P2RY1: variants seen among roughly 807,000 people sequenced by gnomAD.
P2RY1 encodes the protein purinergic receptor P2Y1.
Under a neutral mutation model 22.8 loss-of-function variants are expected in P2RY1, and 14 were observed. The ratio of observed to expected loss-of-function variants is 0.61; its 90% CI spans 0.41 to 0.96. The LOEUF (loss-of-function observed/expected upper bound fraction) is 0.96. Ranked by LOEUF, P2RY1 falls within the 40% of genes least tolerant of loss-of-function variation. The pLI, the probability that P2RY1 is intolerant of heterozygous loss-of-function variation, is 0.00. For synonymous variants in P2RY1, 200 were observed against 195.1 expected (o/e 1.03, Z -0.21); for missense variants, 395 against 470.3 (o/e 0.84, Z 1.48).
Position 152,836,518 on chromosome 3 carries a change from T to C in P2RY1, c.736T>C (p.Tyr246His), listed in dbSNP as rs1351985377. Residue 246 changes from tyrosine to histidine, a missense_variant, in exon 1 of 1, where the codon TAC becomes CAC. Tyr to His is a moderately conservative substitution (Grantham distance 83). Coordinates refer to ENST00000305097, the MANE Select transcript of P2RY1 (RefSeq NM_002563.5). This position sits in a 1 kb window ranked among gnomAD's most constrained non-coding sequence, Gnocchi z 5.6. ...CYGLIVRALI[Y>H]KDLDNSPLRR... is the part of the protein sequence containing the mutation. ...CGGATTAATTGTGAGAGCTTTGATT[T>C]ACAAAGATCTGGACAACTCTCCTCT... The C allele has an allele frequency of 1.2e-6, 2 of 1,614,236 alleles. No individual in the cohort carries two copies. The highest frequency in any genetic ancestry group is 2.7e-5 in the African/African-American group (2 of 75,062).
In P2RY1 at chr3:152,836,848, G is replaced by T; in HGVS notation, c.1066G>T (p.Asp356Tyr). 2 of 1,613,572 alleles carry T rather than the reference G, an allele frequency of 1.2e-6. No homozygotes were observed. The highest frequency in any genetic ancestry group is 2.7e-5 in the African/African-American group (2 of 75,040). Residue 356 changes from aspartate to tyrosine, a missense_variant, in exon 1 of 1, where the codon GAC becomes TAC. This residue lies in a region of P2RY1 where 291 missense variants were observed against 361.6 expected (regional missense o/e 0.80). Transcript: ENST00000305097. This position sits in a 1 kb window ranked among gnomAD's most constrained non-coding sequence, Gnocchi z 5.6. Reference sequence around the variant, plus strand: ...GGCAAATTTGCAATCCAAGAGTGAAGACATGACCCTCAATATTTTACCTGA... The same window carrying T: ...GGCAAATTTGCAATCCAAGAGTGAATACATGACCCTCAATATTTTACCTGA... ...SEANLQSKSE[D>Y]MTLNILPEFK...
Position 152,837,418 on chromosome 3 carries a change from G to A in P2RY1, c.*514G>A, listed in dbSNP as rs1716195276. On this transcript the variant is annotated 3_prime_UTR_variant, in exon 1 of 1. Transcript: ENST00000305097. ...GCATCAGATCAATGGATCTCTGAGC[G>A]GGGTGTTTTTTTCAGTGTCTTATAA... The A allele has an allele frequency of 6.0e-6, 1 of 166,826 alleles. No individual in the cohort carries two copies. Among genetic ancestry groups the A allele is most frequent in the African/African-American group, 2.4e-5 (1 of 41,490 alleles). 10.3% of individuals were successfully genotyped at this position (166,826 alleles called of 1,614,324 possible). A position where few individuals can be genotyped will look rare whatever the true frequency, so the allele number is the denominator to read the frequency against.
rs1264834074 is a variant in P2RY1, at chr3:152,839,770, C to T, written c.*2866C>T. On this transcript the variant is annotated 3_prime_UTR_variant, in exon 1 of 1. Coordinates refer to ENST00000305097, the MANE Select transcript of P2RY1 (RefSeq NM_002563.5). ...ATGGTAAAGCATGAAAACTAAACAG[C>T]CAGGAGCCTGTGAAATCTGCTACTG... The T allele has an allele frequency of 6.6e-6, 1 of 152,108 alleles. No homozygotes were observed. Among genetic ancestry groups the T allele is most frequent in the Non-Finnish European group, 1.5e-5 (1 of 68,026 alleles). 9.4% of individuals were successfully genotyped at this position (152,108 alleles called of 1,614,324 possible).
Position 152,836,196 on chromosome 3 carries a change from C to T in P2RY1, c.414C>T (p.Ser138=), listed in dbSNP as rs746345449. The T allele has an allele frequency of 4.3e-6, 7 of 1,614,036 alleles. No homozygotes were observed. In the South Asian group the frequency reaches 5.5e-5, roughly 13 times the overall value. Reference sequence around the variant, plus strand: ...TCTTTCATGTGAACCTCTATGGCAGCATCTTGTTTCTGACATGCATCAGTG... The same window carrying T: ...TCTTTCATGTGAACCTCTATGGCAGTATCTTGTTTCTGACATGCATCAGTG... ...RFIFHVNLYG[S]ILFLTCISAH... is the part of the protein sequence containing the mutation. The change falls in exon 1 of 1, where the codon AGC becomes AGT. Residue 138 remains serine (S), a synonymous_variant. Coordinates refer to ENST00000305097, the MANE Select transcript of P2RY1 (RefSeq NM_002563.5). The surrounding 1 kb of genome is among the most constrained non-coding windows in gnomAD (Gnocchi z 5.6).
rs1716144313 is a variant in P2RY1 at position 152,835,915 on chromosome 3, A to T, written c.133A>T (p.Thr45Ser). 2 of 1,613,908 alleles carry T rather than the reference A, an allele frequency of 1.2e-6. No individual in the cohort carries two copies. ...CTCCTCGTCGTTCAAATGCGCCTTG[A>T]CCAAGACGGGCTTCCAGTTTTACTA... The part of the protein sequence containing the change: ...AVSSSFKCAL[T>S]KTGFQFYYLP... Residue 45 changes from threonine to serine, a missense_variant, in exon 1 of 1, where the codon ACC (threonine) becomes TCC (serine). Coordinates refer to ENST00000305097, the MANE Select transcript of P2RY1 (RefSeq NM_002563.5).
rs1464273812 is a variant in P2RY1, at chr3:152,838,680, A to G, written c.*1776A>G. The G allele has an allele frequency of 2.0e-5, 3 of 152,112 alleles. No individual in the cohort carries two copies. The highest frequency in any genetic ancestry group is 2.9e-5 in the Non-Finnish European group (2 of 68,006). 9.4% of individuals were successfully genotyped at this position (152,112 alleles called of 1,614,324 possible). On this transcript the variant is annotated 3_prime_UTR_variant, in exon 1 of 1. Coordinates refer to ENST00000305097, the MANE Select transcript of P2RY1 (RefSeq NM_002563.5). ...CTTCAGAGTAGCTTCACTTTACCCA[A>G]TCTCTGGCCACTAAGATCAATGAAG...
chr3:152,835,892 C>T lies in P2RY1; in HGVS notation c.110C>T (p.Ser37Phe), dbSNP rs983108639. The T allele has an allele frequency of 3.1e-6, 5 of 1,614,130 alleles. No homozygotes were observed. The Middle Eastern group carries it at 6.7e-4, about 215-fold the overall frequency. ...NSTVASTAAVSSSFKCALTKT... is the reference protein window; with the variant it reads ...NSTVASTAAVFSSFKCALTKT... ...ACGGTCGCCTCCACTGCCGCCGTCTCCTCGTCGTTCAAATGCGCCTTGACC... is the reference window on the plus strand; with the variant it reads ...ACGGTCGCCTCCACTGCCGCCGTCTTCTCGTCGTTCAAATGCGCCTTGACC... Residue 37 changes from serine (S) to phenylalanine (F), a missense_variant, in exon 1 of 1, where the codon TCC becomes TTC. Ser to Phe is a radical substitution (Grantham distance 155). Around this residue, in one of 3 missense-constraint regions of P2RY1, gnomAD observed 98 missense variants for 87.7 expected, o/e 1.12. Transcript: ENST00000305097.
chr3:152,836,315 T>C lies in P2RY1; in HGVS notation c.533T>C (p.Ile178Thr). The change falls in exon 1 of 1, where the codon ATT becomes ACT. Residue 178 changes from isoleucine to threonine, a missense_variant. Coordinates refer to ENST00000305097, the MANE Select transcript of P2RY1 (RefSeq NM_002563.5). The surrounding 1 kb of genome is among the most constrained non-coding windows in gnomAD (Gnocchi z 5.6). ...AICISVLVWLIVVVAISPILF... is the reference protein window; with the variant it reads ...AICISVLVWLTVVVAISPILF... ...TGTATCAGCGTGCTGGTGTGGCTCATTGTGGTGGTGGCGATCTCCCCCATC... is the reference window on the plus strand; with the variant it reads ...TGTATCAGCGTGCTGGTGTGGCTCACTGTGGTGGTGGCGATCTCCCCCATC... 6.2e-7 allele frequency: 1 copy of C among 1,614,066 alleles called. No individual in the cohort carries two copies. Among genetic ancestry groups the C allele is most frequent in the Non-Finnish European group, 8.5e-7 (1 of 1,180,010 alleles).
Position 152,839,257 on chromosome 3 carries a change from A to G in P2RY1, c.*2353A>G, listed in dbSNP as rs1716243207. ...GATGACATGTGAATGCATGCCACAT[A>G]GTAACAAGAATGATCTTGCCAACTC... is the stretch of plus-strand genomic sequence containing the variant. On this transcript the variant is annotated 3_prime_UTR_variant, in exon 1 of 1. Coordinates refer to ENST00000305097, the MANE Select transcript of P2RY1 (RefSeq NM_002563.5). 6.6e-6 allele frequency: 1 copy of G among 152,182 alleles called. No homozygotes were observed. The highest frequency in any genetic ancestry group is 1.5e-5 in the Non-Finnish European group (1 of 68,032). 9.4% of individuals were successfully genotyped at this position (152,182 alleles called of 1,614,324 possible).
In P2RY1 at chr3:152,836,867, T is replaced by C; in HGVS notation, c.1085T>C (p.Leu362Ser). ...SKSEDMTLNI[L>S]PEFKQNGDTS... ...AGTGAAGACATGACCCTCAATATTT[T>C]ACCTGAGTTCAAGCAGAATGGAGAT... Residue 362 changes from leucine (L) to serine (S), a missense_variant, in exon 1 of 1, where the codon TTA becomes TCA. Leu to Ser is a moderately radical substitution (Grantham distance 145, BLOSUM62 -2). Coordinates refer to ENST00000305097, the MANE Select transcript of P2RY1 (RefSeq NM_002563.5). The surrounding 1 kb of genome is among the most constrained non-coding windows in gnomAD (Gnocchi z 5.6). The C allele has an allele frequency of 1.9e-6, 3 of 1,612,544 alleles. No individual in the cohort carries two copies. In the South Asian group the frequency reaches 3.3e-5, roughly 18 times the overall value.
At position 152,837,714 on chromosome 3, in the gene P2RY1, C is replaced by G. The variant is rs1716205782; in HGVS notation, c.*810C>G. Reference sequence around the variant, plus strand: ...TAAAGAGCATTTACTTGCCCCACTGCTGTGCAATGCCTTAGGACTTTGTTT... The same window carrying G: ...TAAAGAGCATTTACTTGCCCCACTGGTGTGCAATGCCTTAGGACTTTGTTT... On this transcript the variant is annotated 3_prime_UTR_variant, in exon 1 of 1. Coordinates refer to ENST00000305097, the MANE Select transcript of P2RY1 (RefSeq NM_002563.5). 6.0e-6 allele frequency: 1 copy of G among 167,082 alleles called. No individual in the cohort carries two copies. Among genetic ancestry groups the G allele is most frequent in the Non-Finnish European group, 1.5e-5 (1 of 68,120 alleles). The allele number at this position is 167,082 out of a possible 1,614,324, so 10.3% of individuals were successfully genotyped here. A position where few individuals can be genotyped will look rare whatever the true frequency, so the allele number is the denominator to read the frequency against.
Position 152,836,943 on chromosome 3 carries a change from G to T in P2RY1, c.*39G>T. 1 of 1,467,152 alleles carries T rather than the reference G, an allele frequency of 6.8e-7. No individual in the cohort carries two copies. The allele number at this position is 1,467,152 out of a possible 1,614,324, so 90.9% of individuals were successfully genotyped here. Reference sequence around the variant, plus strand: ...TCCAAACACCTCTCTGTTGTAATATGGTAGGATGCTTAACAGAATCAAGTA... The same window carrying T: ...TCCAAACACCTCTCTGTTGTAATATTGTAGGATGCTTAACAGAATCAAGTA... On this transcript the variant is annotated 3_prime_UTR_variant, in exon 1 of 1. Transcript: ENST00000305097. The surrounding 1 kb of genome is among the most constrained non-coding windows in gnomAD (Gnocchi z 5.6).
In P2RY1 at chr3:152,836,273, A is replaced by G. The variant is rs753534893; in HGVS notation, c.491A>G (p.Lys164Arg). 141 of 1,614,000 alleles carry G rather than the reference A, an allele frequency of 8.7e-5. No homozygotes were observed. In the Admixed American group the frequency reaches 2.3e-3, roughly 26 times the overall value. The change falls in exon 1 of 1, where the codon AAA (lysine) becomes AGA (arginine). Residue 164 changes from lysine (K) to arginine (R), a missense_variant. This residue lies in a region of P2RY1 where 291 missense variants were observed against 361.6 expected (regional missense o/e 0.80). Transcript: ENST00000305097. This position sits in a 1 kb window ranked among gnomAD's most constrained non-coding sequence, Gnocchi z 5.6. ...CCCCTCAAGTCCCTGGGCCGGCTCAAAAAGAAGAATGCGATCTGTATCAGC... is the reference window on the plus strand; with the variant it reads ...CCCCTCAAGTCCCTGGGCCGGCTCAGAAAGAAGAATGCGATCTGTATCAGC... ...VYPLKSLGRL[K>R]KKNAICISVL...
In P2RY1 at chr3:152,839,219, A is replaced by C. The variant is rs546569299; in HGVS notation, c.*2315A>C. On this transcript the variant is annotated 3_prime_UTR_variant, in exon 1 of 1. Transcript: ENST00000305097. The stretch of plus-strand genomic sequence containing the variant: ...TGTTTCTTCTTTAGCTTCATACATC[A>C]CATATGGACACTGATGACATGTGAA... 1 of 152,300 alleles carries C rather than the reference A, an allele frequency of 6.6e-6. No individual in the cohort carries two copies. Among genetic ancestry groups the C allele is most frequent in the South Asian group, 2.1e-4 (1 of 4,826 alleles). The allele number at this position is 152,300 out of a possible 1,614,324, so 9.4% of individuals were successfully genotyped here.
chr3:152,836,205 T>G lies in P2RY1; in HGVS notation c.423T>G (p.Phe141Leu). 11 of 1,614,172 alleles carry G rather than the reference T, an allele frequency of 6.8e-6. No individual in the cohort carries two copies. The highest frequency in any genetic ancestry group is 9.3e-6 in the Non-Finnish European group (11 of 1,180,022). The change falls in exon 1 of 1, where the codon TTT (phenylalanine) becomes TTG (leucine). Residue 141 changes from phenylalanine (F) to leucine (L), a missense_variant. Phe to Leu is a conservative substitution (Grantham distance 22). Around this residue, in one of 3 missense-constraint regions of P2RY1, gnomAD observed 291 missense variants for 361.6 expected, o/e 0.80. Transcript: ENST00000305097. This position sits in a 1 kb window ranked among gnomAD's most constrained non-coding sequence, Gnocchi z 5.6. ...TGAACCTCTATGGCAGCATCTTGTT[T>G]CTGACATGCATCAGTGCCCACCGGT... ...FHVNLYGSIL[F>L]LTCISAHRYS...
Position 152,836,324 on chromosome 3 carries a change from T to TGGC in P2RY1, c.544_546dup (p.Ala182dup). 6.2e-7 allele frequency: 1 copy of TGGC among 1,614,088 alleles called. No homozygotes were observed. The highest frequency in any genetic ancestry group is 8.5e-7 in the Non-Finnish European group (1 of 1,180,038). ...GTGCTGGTGTGGCTCATTGTGGTGGTGGCGATCTCCCCCATCCTCTTCTAC... is the reference window on the plus strand; with the variant it reads ...GTGCTGGTGTGGCTCATTGTGGTGGTGGCGGCGATCTCCCCCATCCTCTTCTAC... On this transcript the variant is annotated inframe_insertion, in exon 1 of 1. Transcript: ENST00000305097. The surrounding 1 kb of genome is among the most constrained non-coding windows in gnomAD (Gnocchi z 5.6).
chr3:152,839,728 T>C lies in P2RY1; in HGVS notation c.*2824T>C, dbSNP rs963650730. On this transcript the variant is annotated 3_prime_UTR_variant, in exon 1 of 1. Transcript: ENST00000305097. Reference sequence around the variant, plus strand: ...TTTAAAAGTTGGATGACATCCATTGTTGGGGCCTTGGGGGATATGGTAAAG... The same window carrying C: ...TTTAAAAGTTGGATGACATCCATTGCTGGGGCCTTGGGGGATATGGTAAAG... 3.3e-5 allele frequency: 5 copies of C among 152,132 alleles called. No individual in the cohort carries two copies. The highest frequency in any genetic ancestry group is 6.5e-5 in the Admixed American group (1 of 15,276). The allele number at this position is 152,132 out of a possible 1,614,324, so 9.4% of individuals were successfully genotyped here.
In P2RY1 at chr3:152,836,406, C is replaced by A; in HGVS notation, c.624C>A (p.Asp208Glu). Residue 208 changes from aspartate to glutamate, a missense_variant, in exon 1 of 1, where the codon GAC (aspartate) becomes GAA (glutamate). By Grantham distance (45) the Asp-to-Glu change is conservative. This residue lies in a region of P2RY1 where 291 missense variants were observed against 361.6 expected (regional missense o/e 0.80). Transcript: ENST00000305097. This position sits in a 1 kb window ranked among gnomAD's most constrained non-coding sequence, Gnocchi z 5.6. ...KTITCYDTTS[D>E]EYLRSYFIYS... ...TCACCTGTTACGACACCACCTCAGA[C>A]GAGTACCTGCGAAGTTATTTCATCT... 6.2e-7 allele frequency: 1 copy of A among 1,614,156 alleles called. No individual in the cohort carries two copies. The highest frequency in any genetic ancestry group is 8.5e-7 in the Non-Finnish European group (1 of 1,180,028).
In P2RY1 at chr3:152,837,245, C is replaced by G. The variant is rs1231673562; in HGVS notation, c.*341C>G. On this transcript the variant is annotated 3_prime_UTR_variant, in exon 1 of 1. Coordinates refer to ENST00000305097, the MANE Select transcript of P2RY1 (RefSeq NM_002563.5). ...GCTGTTTTTGATATTAGTAATTTCTCTAAGAAAACTAGCCCCCTGCAACTT... is the reference window on the plus strand; with the variant it reads ...GCTGTTTTTGATATTAGTAATTTCTGTAAGAAAACTAGCCCCCTGCAACTT... The G allele has an allele frequency of 3.4e-5, 7 of 207,230 alleles. No homozygotes were observed. The highest frequency in any genetic ancestry group is 3.2e-5 in the Non-Finnish European group (3 of 94,876). 12.8% of individuals were successfully genotyped at this position (207,230 alleles called of 1,614,324 possible). A position where few individuals can be genotyped will look rare whatever the true frequency, so the allele number is the denominator to read the frequency against.
Sources: gnomAD v4.1 joint callset for allele counts on GRCh38, gnomAD v4.1.1 for gene constraint, gnomAD v4.1.1 regional missense constraint, Gnocchi (gnomAD v3.1) non-coding constraint, MANE v1.5 for transcripts, NCBI Gene and HGNC (gene_info 2026-07-23, HGNC 2026-07-21) for gene names.